DIS3: variants seen among roughly 807,000 people sequenced by gnomAD.
The protein encoded by DIS3 is exosome complex exonuclease RRP44.
DIS3 carries 103 observed loss-of-function variants against 113.0 expected under a neutral mutation model. The ratio of observed to expected loss-of-function variants is 0.91; its 90% CI spans 0.78 to 1.07. DIS3 has a LOEUF of 1.07. Ranked by LOEUF, DIS3 falls within the 50% of genes least tolerant of loss-of-function variation. The probability of loss-of-function intolerance (pLI) is 0.00; values close to 1 mark genes in which losing one functional copy is unlikely to be tolerated. For synonymous variants in DIS3, 402 were observed against 394.3 expected (o/e 1.02, Z -0.23); for missense variants, 1,121 against 1,167.1 (o/e 0.96, Z 0.58).
At chr13:72,762,895 C>CATAT (rs1230750587) in intron 16 of DIS3, among the ~76,000 whole-genome samples, 2 of 151,698 alleles carry the variant, frequency 1.3e-5, no homozygotes, top group Non-Finnish European at 2.9e-5. Context: ...GCAACATAGA[C>CATAT]ATATGAAACA....
In DIS3 at chr13:72,768,915, A is replaced by G. The variant is rs1566244329; in HGVS notation, c.1756-3T>C. 1 of 1,568,738 alleles carries G rather than the reference A, an allele frequency of 6.4e-7. No individual in the cohort carries two copies. Among genetic ancestry groups the G allele is most frequent in the Non-Finnish European group, 8.7e-7 (1 of 1,147,354 alleles). On this transcript the variant is annotated splice_region_variant and splice_polypyrimidine_tract_variant and intron_variant, in intron 13 of 20. Transcript: ENST00000377767. ...GCTTCAGCATACGTCAGAGATGCCT[A>G]AAAAAGAAAATGTATGTTATATAAT...
intron 20 of DIS3, 30 bp downstream of exon 20, chr13:72,760,497 TCA>T (rs770572163): frequency 1.2e-6 from 2 of 1,612,662 alleles, no homozygotes; most frequent in Non-Finnish European, 1.7e-6. Context: ...GTTTGTTCCA[TCA>T]CAACAAGGAA....
chr13:72,777,647 G>C (rs756641504), intron 3 of DIS3, among the ~76,000 whole-genome samples, 154 bp from the exon 4 acceptor site: 3 of 152,060 alleles, frequency 2.0e-5, no homozygotes, highest in Admixed American at 1.3e-4. Context: ...GAGTGCAGCG[G>C]CGCAATTACA....
chr13:72,772,010 C>G, intron 10 of DIS3, 114 bp from the exon 11 acceptor site: 1 of 1,296,346 alleles, frequency 7.7e-7, no homozygotes, highest in Non-Finnish European at 1.1e-6. Context: ...GTCACCTCTA[C>G]CATTTCAACT....
Position 72,755,285 on chromosome 13 carries a change from C to T in DIS3, c.*4510G>A. On this transcript the variant is annotated 3_prime_UTR_variant, in exon 21 of 21. Transcript: ENST00000377767. ...CATATATCGTTGTGCACAGGATCAA[C>T]ATGATGGTGACTGGGAAAAAATTAC... 4 of 1,343,786 alleles carry T rather than the reference C, an allele frequency of 3.0e-6. No homozygotes were observed. The highest frequency in any genetic ancestry group is 1.7e-5 in the Admixed American group (1 of 57,322). 83.2% of individuals were successfully genotyped at this position (1,343,786 alleles called of 1,614,324 possible). A position where few individuals can be genotyped will look rare whatever the true frequency, so the allele number is the denominator to read the frequency against.
At chr13:72,765,883 T>TAA (rs758619768) in intron 15 of DIS3, 89 bp downstream of exon 15, 2 of 894,874 alleles carry the variant, frequency 2.2e-6, no homozygotes, top group Non-Finnish European at 3.2e-6. Flanking sequence ...TTATTTTGTA[T>TAA]ATAAACGTTT....
Position 72,760,639 on chromosome 13 carries a change from T to A in DIS3, c.2683A>T (p.Lys895Ter). The A allele has an allele frequency of 6.2e-7, 1 of 1,612,746 alleles. No homozygotes were observed. The highest frequency in any genetic ancestry group is 8.5e-7 in the Non-Finnish European group (1 of 1,179,272). ...ACATGGAACACTGTATCTTCTATTT[T>A]AAGTGAGGGTATCTAAACAAAACAC... Reference protein sequence around the residue: ...LIYDDEIPSLKIEDTVFHVFD... With the variant: ...LIYDDEIPSL The change falls in exon 20 of 21, where the codon AAA becomes TAA. Residue 895 changes from lysine to a stop codon, truncating the protein, a stop_gained. Coordinates refer to ENST00000377767, the MANE Select transcript of DIS3 (RefSeq NM_014953.5). LOFTEE classifies it high-confidence loss of function.
chr13:72,770,775 T>C, intron 13 of DIS3, 129 bp downstream of exon 13: 1 of 434,364 alleles, frequency 2.3e-6, no homozygotes, highest in Non-Finnish European at 3.9e-6. Flanking sequence ...ACATCTCTTT[T>C]CAAATATATA....
chr13:72,763,993 T>C (rs771165329), intron 15 of DIS3, among the ~76,000 whole-genome samples: 2 of 151,830 alleles, frequency 1.3e-5, no homozygotes, highest in Non-Finnish European at 2.9e-5. Flanking sequence ...CTACTAAAAA[T>C]ATAAAAAAAT....
At chr13:72,774,773 T>C (rs773589269) in intron 6 of DIS3, among the ~76,000 whole-genome samples, 10 of 152,172 alleles carry the variant, frequency 6.6e-5, no homozygotes, top group South Asian at 6.2e-4. Context: ...CTCTTCATAA[T>C]AAATATGGTA....
rs2033335976 is a variant in DIS3, at chr13:72,753,449, T to TA, written c.*6345_*6346insT. The TA allele has an allele frequency of 3.0e-6, 1 of 336,784 alleles. No homozygotes were observed. The highest frequency in any genetic ancestry group is 5.4e-6 in the Non-Finnish European group (1 of 186,894). The allele number at this position is 336,784 out of a possible 1,614,324, so 20.9% of individuals were successfully genotyped here. On this transcript the variant is annotated 3_prime_UTR_variant, in exon 21 of 21. Transcript: ENST00000377767. ...ATTGTGTCAGTAGGCTGTTCACTGA[T>TA]TCTTAAGGAAGTTACAAGATATATT...
At chr13:72,769,945 T>C (rs1230587281) in intron 13 of DIS3, among the ~76,000 whole-genome samples, 1 of 152,106 alleles carries the variant, frequency 6.6e-6, no homozygotes, top group Non-Finnish European at 1.5e-5. Context: ...ATAAGGGATT[T>C]TTGGGAGAAG....
chr13:72,781,696 GGCCCCTCGTGC>G lies in DIS3; in HGVS notation c.126_136del (p.His43GlyfsTer25). ...GTCCTGGGGCTGCGGCTCCAGGGCC[GGCCCCTCGTGC>G]GCCCCTCCACACGCTGCGCACCCGG... On this transcript the variant is annotated frameshift_variant, in exon 1 of 21. Coordinates refer to ENST00000377767, the MANE Select transcript of DIS3 (RefSeq NM_014953.5). LOFTEE classifies it high-confidence loss of function. 1 of 1,559,972 alleles carries G rather than the reference GGCCCCTCGTGC, an allele frequency of 6.4e-7. No individual in the cohort carries two copies. The highest frequency in any genetic ancestry group is 1.2e-5 in the South Asian group (1 of 85,182).
At position 72,752,503 on chromosome 13, in the gene DIS3, A is replaced by G. The variant is rs982559155; in HGVS notation, c.*7292T>C. ...GTACTAATGAGTAACTCTTCCCTCCATATATATCCAGTTACATATTAGTAT... is the reference window on the plus strand; with the variant it reads ...GTACTAATGAGTAACTCTTCCCTCCGTATATATCCAGTTACATATTAGTAT... On this transcript the variant is annotated 3_prime_UTR_variant, in exon 21 of 21. Coordinates refer to ENST00000377767, the MANE Select transcript of DIS3 (RefSeq NM_014953.5). 5 of 152,210 alleles carry G rather than the reference A, an allele frequency of 3.3e-5. No individual in the cohort carries two copies. The allele number at this position is 152,210 out of a possible 1,614,324, so 9.4% of individuals were successfully genotyped here.
chr13:72,769,510 T>G (rs1391831308), intron 13 of DIS3, among the ~76,000 whole-genome samples: 5 of 151,250 alleles, frequency 3.3e-5, no homozygotes, highest in Non-Finnish European at 7.4e-5. Flanking sequence ...TTTTTTTTTT[T>G]GTTTGTCTAA....
chr13:72,777,444 A>G lies in DIS3; in HGVS notation c.630T>C (p.Arg210=), dbSNP rs1296442316. Residue 210 remains arginine, a synonymous_variant, in exon 4 of 21, where the codon CGT becomes CGC. Coordinates refer to ENST00000377767, the MANE Select transcript of DIS3 (RefSeq NM_014953.5). The part of the protein sequence containing the change: ...SLTANPELID[R]LACLSEEGNE... ...CCCCTTCTTCAGACAAACAAGCAAG[A>G]CGATCTATGAGTTCGGGGTTAGCAG... 6.2e-7 allele frequency: 1 copy of G among 1,614,136 alleles called. No individual in the cohort carries two copies. The highest frequency in any genetic ancestry group is 8.5e-7 in the Non-Finnish European group (1 of 1,179,998).
intron 11 of DIS3, 131 bp from the exon 12 acceptor site, chr13:72,771,276 T>A: frequency 1.4e-6 from 1 of 712,344 alleles, no homozygotes. Context: ...ATAGGAGAAT[T>A]GAGAAAAGGT....
intron 3 of DIS3, 128 bp from the exon 4 acceptor site, chr13:72,777,621 T>A: frequency 3.8e-6 from 3 of 799,690 alleles, no homozygotes; most frequent in Non-Finnish European, 6.2e-6. Flanking sequence ...AGAGTCTCAC[T>A]CTGTCTCTCA....
At position 72,775,951 on chromosome 13, in the gene DIS3, G is replaced by C. The variant is rs150446731; in HGVS notation, c.796C>G (p.His266Asp). Residue 266 changes from histidine to aspartate, a missense_variant, in exon 5 of 21, where the codon CAT becomes GAT. Around this residue, in one of 3 missense-constraint regions of DIS3, gnomAD observed 861 missense variants for 915.5 expected, o/e 0.94. Coordinates refer to ENST00000377767, the MANE Select transcript of DIS3 (RefSeq NM_014953.5). Reference protein sequence around the residue: ...ENYLEATVWIHGDNEENKEII... With the variant: ...ENYLEATVWIDGDNEENKEII... The stretch of plus-strand genomic sequence containing the variant: ...TCTTTATTTTCTTCATTGTCGCCAT[G>C]AATCCATACTGTAGCTTCCAAGTAA... 1.2e-5 allele frequency: 20 copies of C among 1,606,854 alleles called. No homozygotes were observed. In the African/African-American group the frequency reaches 2.5e-4, roughly 20 times the overall value.
Sources: gnomAD v4.1 joint callset for allele counts (sites outside exome capture counted in the v4.1 genomes callset) on GRCh38, gnomAD v4.1.1 for gene constraint, gnomAD v4.1.1 regional missense constraint, MANE v1.5 for transcripts, NCBI Gene and HGNC (gene_info 2026-07-23, HGNC 2026-07-21) for gene names.